The following PARP4 variants were observed in gnomAD, a reference collection of about 807,000 sequenced individuals.
PARP4 encodes the protein poly(ADP-ribose) polymerase family member 4, also known as protein mono-ADP-ribosyltransferase PARP4.
Under a neutral mutation model 187.7 loss-of-function variants are expected in PARP4, and 120 were observed. The ratio of observed to expected loss-of-function variants is 0.64; its 90% CI spans 0.55 to 0.74. The LOEUF is 0.74. Among genes scored for constraint, PARP4 ranks in the 30% least tolerant of loss-of-function variants. PARP4 has a pLI of 0.00. For missense variants in PARP4, 1,836 were observed against 2,070.5 expected, an observed-to-expected ratio of 0.89 and a Z score of 2.20; for synonymous variants, 654 against 740.9, an observed-to-expected ratio of 0.88 and a Z score of 1.90.
chr13:24,486,561 T>C (rs1335870642), intron 10 of PARP4, among the ~76,000 whole-genome samples: 1 of 152,260 alleles, frequency 6.6e-6, no homozygotes, highest in East Asian at 1.9e-4. Context: ...TACATAGTAT[T>C]ATCCCAATTT....
At chr13:24,488,979 A>C (rs1183657788) in intron 10 of PARP4, among the ~76,000 whole-genome samples, 1 of 152,152 alleles carries the variant, frequency 6.6e-6, no homozygotes, top group Non-Finnish European at 1.5e-5. Context: ...TCAGTGCTTC[A>C]TTACTTTTTC....
intron 22 of PARP4, among the ~76,000 whole-genome samples, chr13:24,453,898 TGAG>T (rs1871670367): frequency 6.6e-6 from 1 of 152,150 alleles, no homozygotes; most frequent in South Asian, 2.1e-4. Flanking sequence ...GTGTATCACC[TGAG>T]GTCAGGAGTT....
At chr13:24,453,920 G>A (rs1871671772) in intron 22 of PARP4, among the ~76,000 whole-genome samples, 1 of 152,094 alleles carries the variant, frequency 6.6e-6, no homozygotes, top group Admixed American at 6.5e-5. Flanking sequence ...TTCAAGACCA[G>A]CTCTGGTCAA....
At chr13:24,461,026 A>C (rs1217080401) in intron 17 of PARP4, among the ~76,000 whole-genome samples, 1 of 152,172 alleles carries the variant, frequency 6.6e-6, no homozygotes, top group Non-Finnish European at 1.5e-5. Flanking sequence ...TGTTGATAAT[A>C]GCTATATAAG....
chr13:24,434,491 C>A lies in PARP4; in HGVS notation c.4650G>T (p.Leu1550=), dbSNP rs190631953. 1 of 1,613,696 alleles carries A rather than the reference C, an allele frequency of 6.2e-7. No individual in the cohort carries two copies. The highest frequency in any genetic ancestry group is 1.7e-5 in the Admixed American group (1 of 59,974). Residue 1550 remains leucine (L), a synonymous_variant, in exon 31 of 34, where the codon CTG becomes CTT. Transcript: ENST00000381989. ...CCTCTTCTTTTACTTCCAGAAAGCA[C>A]AGGATACTGTCATCTTTTGTATCAC... ...IKCDTKDDSI[L]CFLEVKEEDE...
chr13:24,492,652 C>G, intron 8 of PARP4, 58 bp from the exon 9 acceptor site: 1 of 1,371,752 alleles, frequency 7.3e-7, no homozygotes. Flanking sequence ...AATTAAGGAG[C>G]ATGCACAAAA....
At chr13:24,465,472 G>A (rs1872413114) in intron 17 of PARP4, among the ~76,000 whole-genome samples, 2 of 152,096 alleles carry the variant, frequency 1.3e-5, no homozygotes, top group East Asian at 3.9e-4. Context: ...TCCTTTGCAG[G>A]GACATGAATG....
chr13:24,496,496 A>G (rs1171756122), intron 6 of PARP4, among the ~76,000 whole-genome samples: 1 of 152,174 alleles, frequency 6.6e-6, no homozygotes, highest in Non-Finnish European at 1.5e-5. Context: ...AGTGACTCAT[A>G]TAATTGGGTA....
At position 24,426,615 on chromosome 13, in the gene PARP4, TC is replaced by T. The variant is rs1335736402; in HGVS notation, c.4847-18del. 5 of 1,604,040 alleles carry T rather than the reference TC, an allele frequency of 3.1e-6. No individual in the cohort carries two copies. The highest frequency in any genetic ancestry group is 2.7e-5 in the African/African-American group (2 of 74,418). On this transcript the variant is annotated intron_variant, in intron 32 of 33. Coordinates refer to ENST00000381989, the MANE Select transcript of PARP4 (RefSeq NM_006437.4). ...CTTTTACACCTAAAAGGAAAAAAAC[TC>T]CGTTAAGTCTGTTGGAAACTCTGCA...
At chr13:24,463,643 A>G (rs549744606) in intron 17 of PARP4, among the ~76,000 whole-genome samples, 24 of 152,184 alleles carry the variant, frequency 1.6e-4, no homozygotes, top group Non-Finnish European at 2.8e-4. Context: ...GATGGAACAT[A>G]TTTCAAAATA....
At position 24,434,678 on chromosome 13, in the gene PARP4, CA is replaced by C; in HGVS notation, c.4462del (p.Cys1488AlafsTer9). ...TACTGGGGTAGTCCGGGACTGACTG[CA>C]AAGAGCCTCAGGTAAAGCAGAGGCC... ...PMASALPEAL[C>X]SQSRTTPVDL... On this transcript the variant is annotated frameshift_variant, in exon 31 of 34. Transcript: ENST00000381989. LOFTEE classifies it high-confidence loss of function. 6.2e-7 allele frequency: 1 copy of C among 1,614,122 alleles called. No individual in the cohort carries two copies. The highest frequency in any genetic ancestry group is 8.5e-7 in the Non-Finnish European group (1 of 1,180,038).
chr13:24,501,542 T>C, intron 3 of PARP4, 91 bp downstream of exon 3: 1 of 840,572 alleles, frequency 1.2e-6, no homozygotes, highest in Admixed American at 2.3e-5. Flanking sequence ...TTAGTATTTC[T>C]GGACAATTCT....
At chr13:24,479,907 A>C (rs1159547529) in intron 12 of PARP4, among the ~76,000 whole-genome samples, 1 of 151,748 alleles carries the variant, frequency 6.6e-6, no homozygotes, top group Non-Finnish European at 1.5e-5. Context: ...CTGCAGCTTC[A>C]CTCCTGAAGC....
At chr13:24,446,820 T>G in intron 26 of PARP4, 59 bp from the exon 27 acceptor site, 1 of 1,376,346 alleles carries the variant, frequency 7.3e-7, no homozygotes, top group Non-Finnish European at 1.0e-6. Context: ...GTGTCTTGGT[T>G]TAACAGAAAT....
At chr13:24,427,690 A>C (rs1043357768) in intron 32 of PARP4, among the ~76,000 whole-genome samples, 3 of 152,180 alleles carry the variant, frequency 2.0e-5, no homozygotes, top group African/African-American at 7.2e-5. Context: ...AGGTAGCCAA[A>C]ACTGCTCGTA....
At chr13:24,434,315 T>C (rs1166878341) in intron 31 of PARP4, 80 bp downstream of exon 31, 1 of 1,373,350 alleles carries the variant, frequency 7.3e-7, no homozygotes, top group Admixed American at 2.3e-5. Context: ...AGACGGTTCC[T>C]TGACCAGCTG....
intron 10 of PARP4, among the ~76,000 whole-genome samples, chr13:24,489,181 G>A (rs914904909): frequency 6.6e-6 from 1 of 152,128 alleles, no homozygotes; most frequent in African/African-American, 2.4e-5. Flanking sequence ...TGGAATTGCT[G>A]GGTCTTATCG....
intron 15 of PARP4, among the ~76,000 whole-genome samples, chr13:24,473,980 G>C (rs376305514): frequency 7.2e-5 from 11 of 152,272 alleles, no homozygotes; most frequent in Admixed American, 4.6e-4. Flanking sequence ...TAAACACTAT[G>C]TGAATGCTGC....
At chr13:24,427,336 T>C (rs1433685444) in intron 32 of PARP4, among the ~76,000 whole-genome samples, 1 of 151,504 alleles carries the variant, frequency 6.6e-6, no homozygotes, top group African/African-American at 2.4e-5. Flanking sequence ...TGAACTCAAT[T>C]AACAACCCAT....
Sources: gnomAD v4.1 joint callset for allele counts (sites outside exome capture counted in the v4.1 genomes callset) on GRCh38, gnomAD v4.1.1 for gene constraint, MANE v1.5 for transcripts, NCBI Gene and HGNC (gene_info 2026-07-23, HGNC 2026-07-21) for gene names.